FLRT2: variants seen among roughly 807,000 people sequenced by gnomAD.
FLRT2 encodes the protein fibronectin leucine rich transmembrane protein 2, also known as leucine-rich repeat transmembrane protein FLRT2.
FLRT2 carries 15 observed loss-of-function variants against 40.0 expected under a neutral mutation model. The observed-to-expected ratio is 0.38, with a 90% CI of 0.25 to 0.58. The LOEUF (loss-of-function observed/expected upper bound fraction) is 0.58, where lower values mean the gene tolerates loss of function less well. Ranked by LOEUF, FLRT2 falls within the 20% of genes least tolerant of loss-of-function variation. FLRT2 has a pLI of 0.71. For synonymous variants in FLRT2, 380 were observed against 336.8 expected (o/e 1.13, Z -1.41); for missense variants, 726 against 840.0 (o/e 0.86, Z 1.68).
intron 1 of FLRT2, among the ~76,000 whole-genome samples, chr14:85,610,828 C>A (rs560643553): frequency 6.6e-6 from 1 of 152,178 alleles, no homozygotes; most frequent in Admixed American, 6.5e-5. Flanking sequence ...TCGTCTATGA[C>A]ACTTCTTTAT....
chr14:85,637,491 A>G lies in FLRT2; in HGVS notation c.*13994A>G, dbSNP rs1276798370. 1 of 152,238 alleles carries G rather than the reference A, an allele frequency of 6.6e-6. No individual in the cohort carries two copies. Among genetic ancestry groups the G allele is most frequent in the Non-Finnish European group, 1.5e-5 (1 of 68,046 alleles). The allele number at this position is 152,238 out of a possible 1,614,324, so 9.4% of individuals were successfully genotyped here. A position where few individuals can be genotyped will look rare whatever the true frequency, so the allele number is the denominator to read the frequency against. On this transcript the variant is annotated 3_prime_UTR_variant, in exon 2 of 2. Coordinates refer to ENST00000330753, the MANE Select transcript of FLRT2 (RefSeq NM_013231.6). The stretch of plus-strand genomic sequence containing the variant: ...TAAAGTTACTAGCACAGTGTCTAGT[A>G]TATACAGTTGCTTTGTTACATTAAC...
chr14:85,554,633 C>A (rs1242480806), intron 1 of FLRT2, among the ~76,000 whole-genome samples: 4 of 152,146 alleles, frequency 2.6e-5, no homozygotes, highest in Non-Finnish European at 4.4e-5. Flanking sequence ...TCTACTTGAT[C>A]CCTTATTTGT....
In FLRT2 at chr14:85,654,278, G is replaced by A. The variant is rs1156317942; in HGVS notation, c.*30781G>A. ...AAATAACTTTGTCTATGTAATTGTA[G>A]TGTATACTTATTATTGACAACTTGA... On this transcript the variant is annotated 3_prime_UTR_variant, in exon 2 of 2. Coordinates refer to ENST00000330753, the MANE Select transcript of FLRT2 (RefSeq NM_013231.6). 2.6e-5 allele frequency: 4 copies of A among 152,136 alleles called. No individual in the cohort carries two copies. Among genetic ancestry groups the A allele is most frequent in the East Asian group, 1.9e-4 (1 of 5,168 alleles). The allele number at this position is 152,136 out of a possible 1,614,324, so 9.4% of individuals were successfully genotyped here. A position where few individuals can be genotyped will look rare whatever the true frequency, so the allele number is the denominator to read the frequency against.
chr14:85,642,008 A>G lies in FLRT2; in HGVS notation c.*18511A>G, dbSNP rs1322442797. 2 of 152,120 alleles carry G rather than the reference A, an allele frequency of 1.3e-5. No homozygotes were observed. Among genetic ancestry groups the G allele is most frequent in the Admixed American group, 6.6e-5 (1 of 15,258 alleles). The allele number at this position is 152,120 out of a possible 1,614,324, so 9.4% of individuals were successfully genotyped here. On this transcript the variant is annotated 3_prime_UTR_variant, in exon 2 of 2. Coordinates refer to ENST00000330753, the MANE Select transcript of FLRT2 (RefSeq NM_013231.6). ...AATTGTGAGGTAGGCTGAAGCATGT[A>G]TAGAAAGAAAACAACAAATTCAGAG...
At chr14:85,574,921 A>T (rs1891060744) in intron 1 of FLRT2, among the ~76,000 whole-genome samples, 3 of 152,132 alleles carry the variant, frequency 2.0e-5, no homozygotes. Flanking sequence ...TACCCAGGAC[A>T]TACCAAACAA....
In FLRT2 at chr14:85,642,010, A is replaced by G. The variant is rs1392469532; in HGVS notation, c.*18513A>G. The G allele has an allele frequency of 6.6e-6, 1 of 152,138 alleles. No homozygotes were observed. Among genetic ancestry groups the G allele is most frequent in the African/African-American group, 2.4e-5 (1 of 41,422 alleles). 9.4% of individuals were successfully genotyped at this position (152,138 alleles called of 1,614,324 possible). Reference sequence around the variant, plus strand: ...TTGTGAGGTAGGCTGAAGCATGTATAGAAAGAAAACAACAAATTCAGAGTT... The same window carrying G: ...TTGTGAGGTAGGCTGAAGCATGTATGGAAAGAAAACAACAAATTCAGAGTT... On this transcript the variant is annotated 3_prime_UTR_variant, in exon 2 of 2. Coordinates refer to ENST00000330753, the MANE Select transcript of FLRT2 (RefSeq NM_013231.6).
At chr14:85,571,050 A>ACAT (rs1890870158) in intron 1 of FLRT2, among the ~76,000 whole-genome samples, 1 of 152,126 alleles carries the variant, frequency 6.6e-6, no homozygotes, top group Admixed American at 6.6e-5. Flanking sequence ...GTAGGTGGTG[A>ACAT]CAGTAGATCT....
chr14:85,544,887 C>G (rs1372374376), intron 1 of FLRT2, among the ~76,000 whole-genome samples: 52 of 152,084 alleles, frequency 3.4e-4, no homozygotes, highest in Non-Finnish European at 1.5e-5. Context: ...CCTTCCTCCC[C>G]TTTTTTCAGC....
intron 1 of FLRT2, among the ~76,000 whole-genome samples, chr14:85,583,609 T>C (rs1891485536): frequency 6.6e-6 from 1 of 152,148 alleles, no homozygotes; most frequent in South Asian, 2.1e-4. Context: ...TCCTACAGGA[T>C]AAAGTCAGGA....
At chr14:85,578,199 T>C (rs950216462) in intron 1 of FLRT2, among the ~76,000 whole-genome samples, 5 of 144,952 alleles carry the variant, frequency 3.4e-5, no homozygotes, top group African/African-American at 1.3e-4. Flanking sequence ...TTTATATATA[T>C]TTATATATAA....
At chr14:85,604,231 G>A (rs1206154616) in intron 1 of FLRT2, among the ~76,000 whole-genome samples, 2 of 152,058 alleles carry the variant, frequency 1.3e-5, no homozygotes, top group African/African-American at 4.8e-5. Context: ...GTGGCATGAC[G>A]CCTAGGAAAG....
chr14:85,609,072 G>T (rs567126755), intron 1 of FLRT2, among the ~76,000 whole-genome samples: 1 of 152,076 alleles, frequency 6.6e-6, no homozygotes, highest in Non-Finnish European at 1.5e-5. Flanking sequence ...CTGAGGTTCC[G>T]TCCTGAAACC....
In FLRT2 at chr14:85,638,337, C is replaced by T. The variant is rs1327205769; in HGVS notation, c.*14840C>T. 6.6e-6 allele frequency: 1 copy of T among 152,204 alleles called. No individual in the cohort carries two copies. Among genetic ancestry groups the T allele is most frequent in the Non-Finnish European group, 1.5e-5 (1 of 68,080 alleles). 9.4% of individuals were successfully genotyped at this position (152,204 alleles called of 1,614,324 possible). On this transcript the variant is annotated 3_prime_UTR_variant, in exon 2 of 2. Transcript: ENST00000330753. ...TTTCCCATGGTTCTGTCTTTTTCTCCAGGCAACACTTCCTGATGACTGATC... is the reference window on the plus strand; with the variant it reads ...TTTCCCATGGTTCTGTCTTTTTCTCTAGGCAACACTTCCTGATGACTGATC...
intron 1 of FLRT2, among the ~76,000 whole-genome samples, chr14:85,585,697 T>G (rs139188924): frequency 3.9e-4 from 60 of 152,214 alleles, no homozygotes; most frequent in African/African-American, 1.4e-3. Context: ...TTTTTGAGAA[T>G]GAAGATGGGT....
At chr14:85,531,764 A>G (rs1441056632) in intron 1 of FLRT2, among the ~76,000 whole-genome samples, 2 of 152,098 alleles carry the variant, frequency 1.3e-5, no homozygotes, top group African/African-American at 2.4e-5. Flanking sequence ...TACTGTGGGG[A>G]GAAGATGGGC....
Position 85,556,260 on chromosome 14 carries a change from A to G in FLRT2, c.-377+25726A>G, listed in dbSNP as rs1284157589. 2.0e-5 allele frequency among the ~76,000 whole-genome samples: 3 copies of G among 152,208 alleles called. No homozygotes were observed. The East Asian group carries it at 5.8e-4, about 29-fold the overall frequency. Reference sequence around the variant, plus strand: ...AAGCTTATAGGGGTATATGCATGGCACAGTAATTTCATTGGTAGGAGATTT... The same window carrying G: ...AAGCTTATAGGGGTATATGCATGGCGCAGTAATTTCATTGGTAGGAGATTT... On this transcript the variant is annotated intron_variant, in intron 1 of 1. Transcript: ENST00000330753.
Position 85,621,470 on chromosome 14 carries a change from T to TGAA in FLRT2, c.-45_-44insGAA, listed in dbSNP as rs1327383984. 5.9e-6 allele frequency: 9 copies of TGAA among 1,523,488 alleles called. No individual in the cohort carries two copies. The highest frequency in any genetic ancestry group is 7.9e-6 in the Non-Finnish European group (9 of 1,134,888). The allele number at this position is 1,523,488 out of a possible 1,614,324, so 94.4% of individuals were successfully genotyped here. ...ATTTTGCTGTTTATTTTTTTTTTCT[T>TGAA]TTTCTTTTTCCCACCACATTGTATT... On this transcript the variant is annotated 5_prime_UTR_variant, in exon 2 of 2. Transcript: ENST00000330753.
chr14:85,544,856 C>A (rs1187547889), intron 1 of FLRT2, among the ~76,000 whole-genome samples: 1 of 152,158 alleles, frequency 6.6e-6, no homozygotes, highest in Non-Finnish European at 1.5e-5. Context: ...TTTGCAAACA[C>A]ACATTAAACA....
intron 1 of FLRT2, among the ~76,000 whole-genome samples, chr14:85,558,680 T>C (rs1466687025): frequency 6.6e-6 from 1 of 152,214 alleles, no homozygotes; most frequent in Non-Finnish European, 1.5e-5. Context: ...GAGGGGAAGA[T>C]GTAATTGCTC....
Sources: allele counts gnomAD v4.1 joint callset (sites outside exome capture counted in the v4.1 genomes callset), GRCh38; gene constraint gnomAD v4.1.1; transcripts MANE v1.5; gene names NCBI Gene and HGNC (gene_info 2026-07-23, HGNC 2026-07-21).